MUC13: variants seen among roughly 807,000 people sequenced by gnomAD.
The protein encoded by MUC13 is mucin 13, cell surface associated.
A neutral mutation model predicts 48.3 loss-of-function variants in MUC13; 32 were observed. The ratio of observed to expected loss-of-function variants is 0.66; its 90% CI spans 0.50 to 0.89. The LOEUF (loss-of-function observed/expected upper bound fraction) is 0.89. Among genes scored for constraint, MUC13 ranks in the 40% least tolerant of loss-of-function variants. The probability of loss-of-function intolerance (pLI) is 0.00; values close to 1 mark genes in which losing one functional copy is unlikely to be tolerated. For synonymous variants in MUC13, 199 were observed against 224.9 expected, an observed-to-expected ratio of 0.88 and a Z score of 1.03; for missense variants, 571 against 622.8, an observed-to-expected ratio of 0.92 and a Z score of 0.88.
intron 9 of MUC13, among the ~76,000 whole-genome samples, chr3:124,910,876 G>A (rs1052182208): frequency 2.6e-5 from 4 of 152,160 alleles, no homozygotes; most frequent in African/African-American, 9.7e-5. Context: ...AGGAAACTAG[G>A]TTGGAGTTAA....
At chr3:124,920,994 C>T (rs1020639593) in intron 4 of MUC13, among the ~76,000 whole-genome samples, 4 of 152,232 alleles carry the variant, frequency 2.6e-5, no homozygotes, top group Admixed American at 1.3e-4. Context: ...GCTGGCTGTG[C>T]AGTCGGAAGC....
At chr3:124,920,353 C>A in intron 4 of MUC13, 64 bp from the exon 5 acceptor site, 1 of 1,256,280 alleles carries the variant, frequency 8.0e-7, no homozygotes, top group Non-Finnish European at 1.1e-6. Context: ...TTCTACAAAT[C>A]AAATGAGGCA....
chr3:124,908,239 C>T lies in MUC13; in HGVS notation c.1447G>A (p.Val483Ile), dbSNP rs760260657. 6.9e-5 allele frequency: 111 copies of T among 1,614,058 alleles called. 1 individual carries two copies. The highest frequency in any genetic ancestry group is 9.0e-5 in the Non-Finnish European group (106 of 1,180,038). Residue 483 changes from valine to isoleucine, a missense_variant, in exon 11 of 12, where the codon GTC (valine) becomes ATC (isoleucine). Physicochemically the swap from Val to Ile is conservative, Grantham distance 29. Transcript: ENST00000616727. The part of the protein sequence containing the change: ...GFTNLGAEGS[V>I]FPKVRITASR... ...GCCGTTATCCTGACCTTAGGAAAGA[C>T]GCTCCCTTCTGCTCCAAGATTGGTG...
chr3:124,916,473 G>A lies in MUC13; in HGVS notation c.808C>T (p.Leu270=). 1.9e-6 allele frequency: 3 copies of A among 1,610,246 alleles called. No individual in the cohort carries two copies. The highest frequency in any genetic ancestry group is 2.5e-6 in the Non-Finnish European group (3 of 1,178,034). The change falls in exon 6 of 12, where the codon CTG becomes TTG. Residue 270 remains leucine (L), a synonymous_variant. Coordinates refer to ENST00000616727, the MANE Select transcript of MUC13 (RefSeq NM_033049.4). ...QTVILTVSTS[L]SPRSEMRADD... is the part of the protein sequence containing the mutation. ...GCACGCATTTCAGATCTTGGTGACA[G>A]AGATGTGCTAAAAATGAGATGAATC...
chr3:124,916,527 C>A, intron 5 of MUC13, 47 bp from the exon 6 acceptor site: 1 of 1,547,072 alleles, frequency 6.5e-7, no homozygotes, highest in South Asian at 1.2e-5. Context: ...ACTGAAGAAT[C>A]AACAAATAAT....
chr3:124,920,862 T>C (rs1935583577), intron 4 of MUC13, among the ~76,000 whole-genome samples: 1 of 152,202 alleles, frequency 6.6e-6, no homozygotes, highest in South Asian at 2.1e-4. Flanking sequence ...TGAAAGCAGA[T>C]CCAAGATGAG....
chr3:124,932,718 T>C (rs548163822), intron 1 of MUC13, among the ~76,000 whole-genome samples: 1 of 152,292 alleles, frequency 6.6e-6, no homozygotes, highest in South Asian at 2.1e-4. Context: ...CTCTTCAGTA[T>C]AGGGATTTCC....
chr3:124,912,986 C>T, intron 8 of MUC13, 125 bp downstream of exon 8: 2 of 733,330 alleles, frequency 2.7e-6, no homozygotes, highest in Non-Finnish European at 2.0e-6. Flanking sequence ...GATGAGGATG[C>T]TGTCTCTACC....
intron 2 of MUC13, among the ~76,000 whole-genome samples, chr3:124,924,732 G>A (rs1344251253): frequency 1.3e-5 from 2 of 152,142 alleles, no homozygotes; most frequent in African/African-American, 2.4e-5. Flanking sequence ...TAGGATGAGA[G>A]GGAGATTTAT....
At chr3:124,931,998 T>C (rs1935807214) in intron 1 of MUC13, among the ~76,000 whole-genome samples, 1 of 151,934 alleles carries the variant, frequency 6.6e-6, no homozygotes, top group African/African-American at 2.4e-5. Flanking sequence ...TGAGCCAAGA[T>C]GGCGCCATTG....
At chr3:124,918,966 C>T (rs1238022605) in intron 5 of MUC13, among the ~76,000 whole-genome samples, 1 of 152,140 alleles carries the variant, frequency 6.6e-6, no homozygotes, top group East Asian at 1.9e-4. Context: ...GCTAGAAATC[C>T]ATCACTTTTA....
chr3:124,910,328 G>T, intron 10 of MUC13, 87 bp downstream of exon 10: 1 of 1,525,774 alleles, frequency 6.6e-7, no homozygotes, highest in South Asian at 1.3e-5. Flanking sequence ...GAGTTCAGGA[G>T]TTCGAGACCA....
At chr3:124,928,414 T>G (rs1235636409) in intron 1 of MUC13, among the ~76,000 whole-genome samples, 1 of 152,204 alleles carries the variant, frequency 6.6e-6, no homozygotes, top group Non-Finnish European at 1.5e-5. Flanking sequence ...GGTCTTGCTC[T>G]GCCACCCAGG....
rs1935327048 is a variant in MUC13 at position 124,906,759 on chromosome 3, A to G, written c.*1-17T>C. 2 of 152,222 alleles carry G rather than the reference A, an allele frequency of 1.3e-5. No homozygotes were observed. Among genetic ancestry groups the G allele is most frequent in the Non-Finnish European group, 1.5e-5 (1 of 68,052 alleles). The allele number at this position is 152,222 out of a possible 1,614,324, so 9.4% of individuals were successfully genotyped here. On this transcript the variant is annotated splice_polypyrimidine_tract_variant and intron_variant, in intron 11 of 11. Coordinates refer to ENST00000616727, the MANE Select transcript of MUC13 (RefSeq NM_033049.4). Reference sequence around the variant, plus strand: ...CTTATGATTCTAGACAGAAAGAGAGAGGGAGAGACAATACTCTTAGAAAAT... The same window carrying G: ...CTTATGATTCTAGACAGAAAGAGAGGGGGAGAGACAATACTCTTAGAAAAT...
intron 5 of MUC13, among the ~76,000 whole-genome samples, 192 bp from the exon 6 acceptor site, chr3:124,916,672 T>C (rs964108484): frequency 6.6e-6 from 1 of 152,158 alleles, no homozygotes; most frequent in Admixed American, 6.6e-5. Flanking sequence ...CTCTATTTGA[T>C]GTGTATTCAG....
At chr3:124,928,719 A>G (rs1490667845) in intron 1 of MUC13, among the ~76,000 whole-genome samples, 1 of 152,180 alleles carries the variant, frequency 6.6e-6, no homozygotes, top group Non-Finnish European at 1.5e-5. Flanking sequence ...CTAAGAAGTA[A>G]TATTATTTAT....
rs1237570468 is a variant in MUC13 at position 124,927,575 on chromosome 3, G to A, written c.471C>T (p.Pro157=). The change falls in exon 2 of 12, where the codon CCC becomes CCT. Residue 157 remains proline, a synonymous_variant. Transcript: ENST00000616727. The part of the protein sequence containing the change: ...TTEDNQSSGP[P]TGTALLETST... Reference sequence around the variant, plus strand: ...TGGTCTCCAATAAAGCGGTGCCAGTGGGAGGCCCTGATGATTGATTGTCTT... The same window carrying A: ...TGGTCTCCAATAAAGCGGTGCCAGTAGGAGGCCCTGATGATTGATTGTCTT... 2 of 1,614,098 alleles carry A rather than the reference G, an allele frequency of 1.2e-6. No homozygotes were observed. Among genetic ancestry groups the A allele is most frequent in the Non-Finnish European group, 1.7e-6 (2 of 1,180,042 alleles).
At chr3:124,909,109 A>G (rs1240866713) in intron 10 of MUC13, among the ~76,000 whole-genome samples, 1 of 151,982 alleles carries the variant, frequency 6.6e-6, no homozygotes, top group Admixed American at 6.6e-5. Context: ...AGCCAAGATC[A>G]TGCCACTGCA....
chr3:124,908,241 C>T lies in MUC13; in HGVS notation c.1445G>A (p.Ser482Asn). The T allele has an allele frequency of 1.2e-6, 2 of 1,614,150 alleles. No individual in the cohort carries two copies. Among genetic ancestry groups the T allele is most frequent in the Non-Finnish European group, 1.7e-6 (2 of 1,180,028 alleles). The change falls in exon 11 of 12, where the codon AGC becomes AAC. Residue 482 changes from serine (S) to asparagine (N), a missense_variant. Transcript: ENST00000616727. ...CGTTATCCTGACCTTAGGAAAGACG[C>T]TCCCTTCTGCTCCAAGATTGGTGAA... is the stretch of plus-strand genomic sequence containing the variant. ...TGFTNLGAEG[S>N]VFPKVRITAS...
Sources: gnomAD v4.1 joint callset for allele counts (sites outside exome capture counted in the v4.1 genomes callset) on GRCh38, gnomAD v4.1.1 for gene constraint, MANE v1.5 for transcripts, NCBI Gene and HGNC (gene_info 2026-07-23, HGNC 2026-07-21) for gene names.